Variants in ASPM observed in about 807,000 individuals in gnomAD.
ASPM encodes abnormal spindle-like microcephaly-associated protein.
In ASPM, 256 loss-of-function variants were observed where a neutral mutation model predicts 366.4. That is an observed-to-expected ratio of 0.70 (90% CI 0.63 to 0.77). ASPM has a LOEUF of 0.77. Among genes scored for constraint, ASPM ranks in the 30% least tolerant of loss-of-function variants. The pLI, the probability that ASPM is intolerant of heterozygous loss-of-function variation, is 0.00. For missense variants in ASPM, 4,146 were observed against 4,090.4 expected (o/e 1.01, Z -0.37); for synonymous variants, 1,414 against 1,342.9 (o/e 1.05, Z -1.16).
chr1:197,116,721 A>C (rs1174605688), intron 17 of ASPM, among the ~76,000 whole-genome samples: 1 of 152,214 alleles, frequency 6.6e-6, no homozygotes, highest in Non-Finnish European at 1.5e-5. Flanking sequence ...GATTAAGTAT[A>C]GTGCAGAATA....
chr1:197,132,394 C>T (rs372411345), intron 6 of ASPM, 42 bp from the exon 7 acceptor site: 79 of 1,532,000 alleles, frequency 5.2e-5, no homozygotes, highest in Non-Finnish European at 6.7e-5. Context: ...AATTGATAAT[C>T]AAATAGAGAC....
At chr1:197,092,095 T>G (rs1315879755) in intron 21 of ASPM, 39 bp from the exon 22 acceptor site, 1 of 1,605,864 alleles carries the variant, frequency 6.2e-7, no homozygotes. Context: ...AGTATCTGCC[T>G]CCTAAGTTAA....
At chr1:197,130,287 T>C (rs562390212) in intron 7 of ASPM, among the ~76,000 whole-genome samples, 1 of 152,290 alleles carries the variant, frequency 6.6e-6, no homozygotes, top group Non-Finnish European at 1.5e-5. Flanking sequence ...CTAAGATAAG[T>C]CTTAATCATC....
At chr1:197,095,022 CAAT>C (rs1197954991) in intron 19 of ASPM, among the ~76,000 whole-genome samples, 12 of 151,798 alleles carry the variant, frequency 7.9e-5, no homozygotes, top group South Asian at 2.1e-4. Context: ...TTCAAGCACA[CAAT>C]GAGTAATGAT....
chr1:197,130,957 G>T (rs1248697251), intron 7 of ASPM, among the ~76,000 whole-genome samples: 1 of 152,138 alleles, frequency 6.6e-6, no homozygotes, highest in Non-Finnish European at 1.5e-5. Context: ...CAAAGTTCTT[G>T]ATTTTATTTT....
intron 17 of ASPM, 48 bp from the exon 18 acceptor site, chr1:197,105,233 A>AT (rs751713940): frequency 2.2e-4 from 305 of 1,404,688 alleles, no homozygotes; most frequent in Non-Finnish European, 2.9e-4. Flanking sequence ...ATAGCTTTCT[A>AT]TATTTAACAC....
At chr1:197,105,976 ACACT>A (rs1002013738) in intron 17 of ASPM, among the ~76,000 whole-genome samples, 14 of 151,948 alleles carry the variant, frequency 9.2e-5, no homozygotes, top group African/African-American at 3.4e-4. Context: ...CTTTGTACAA[ACACT>A]CCAAACATTG....
rs1658487634 is a variant in ASPM, at chr1:197,138,599, G to C, written c.2026+1168C>G. On this transcript the variant is annotated intron_variant, in intron 4 of 27. Coordinates refer to ENST00000367409, the MANE Select transcript of ASPM (RefSeq NM_018136.5). ...AGGCATGAGCCACCACGCCCCACTA[G>C]GAGTTCACACTTTAGTTAGGGAAAA... The C allele has an allele frequency of 2.1e-5, 9 of 419,182 alleles. 1 individual carries two copies. The highest frequency in any genetic ancestry group is 1.9e-4 in the South Asian group (9 of 46,628). The allele number at this position is 419,182 out of a possible 1,614,324, so 26.0% of individuals were successfully genotyped here. A position where few individuals can be genotyped will look rare whatever the true frequency, so the allele number is the denominator to read the frequency against.
In ASPM at chr1:197,143,348, A is replaced by G. The variant is rs1658662751; in HGVS notation, c.904T>C (p.Cys302Arg). Reference sequence around the variant, plus strand: ...TGTGTAATGTTCAAAGTTGAAGAACAGTTGGGGGTAAGACTAAGTTTACTA... The same window carrying G: ...TGTGTAATGTTCAAAGTTGAAGAACGGTTGGGGGTAAGACTAAGTTTACTA... ...ENSKLSLTPNCSSTLNITQSQ... is the reference protein window; with the variant it reads ...ENSKLSLTPNRSSTLNITQSQ... Residue 302 changes from cysteine (C) to arginine (R), a missense_variant, in exon 3 of 28, where the codon TGT (cysteine) becomes CGT (arginine). This residue lies in a region of ASPM where 512 missense variants were observed against 471.7 expected (regional missense o/e 1.09). Transcript: ENST00000367409. 6.2e-7 allele frequency: 1 copy of G among 1,614,016 alleles called. No individual in the cohort carries two copies. The highest frequency in any genetic ancestry group is 8.5e-7 in the Non-Finnish European group (1 of 1,179,862).
intron 4 of ASPM, among the ~76,000 whole-genome samples, chr1:197,137,332 T>C (rs1658450074): frequency 6.6e-6 from 1 of 152,260 alleles, no homozygotes; most frequent in African/African-American, 2.4e-5. Context: ...GTTCTAGGCC[T>C]AGGAATGGAC....
Position 197,101,152 on chromosome 1 carries a change from C to T in ASPM, c.8099G>A (p.Arg2700Gln), listed in dbSNP as rs757182094. 22 of 1,612,188 alleles carry T rather than the reference C, an allele frequency of 1.4e-5. No homozygotes were observed. Among genetic ancestry groups the T allele is most frequent in the East Asian group, 2.2e-5 (1 of 44,774 alleles). Residue 2700 changes from arginine to glutamine, a missense_variant, in exon 18 of 28, where the codon CGA becomes CAA. By Grantham distance (43) the Arg-to-Gln change is conservative. Around this residue, in one of 3 missense-constraint regions of ASPM, gnomAD observed 3,624 missense variants for 3,591.7 expected, o/e 1.01. Coordinates refer to ENST00000367409, the MANE Select transcript of ASPM (RefSeq NM_018136.5). ...ATAATCAACTTTGGCCCTGTGCATT[C>T]GATAGAATGACTGAATTAGTGTGGC... ...RAATLIQSFYRMHRAKVDYET... is the reference protein window; with the variant it reads ...RAATLIQSFYQMHRAKVDYET...
At chr1:197,098,596 A>G (rs530408831) in intron 18 of ASPM, among the ~76,000 whole-genome samples, 152 of 151,758 alleles carry the variant, frequency 1.0e-3, no homozygotes, top group African/African-American at 3.4e-3. Context: ...GGAATTTGAT[A>G]CCATAATCTC....
intron 7 of ASPM, 117 bp from the exon 8 acceptor site, chr1:197,130,173 A>AC: frequency 2.8e-6 from 3 of 1,080,248 alleles, no homozygotes; most frequent in Non-Finnish European, 4.1e-6. Context: ...TTTCTAAATG[A>AC]CATGGTTATT....
In ASPM at chr1:197,143,051, T is replaced by C. The variant is rs587783217; in HGVS notation, c.1201A>G (p.Met401Val). The C allele has an allele frequency of 1.9e-6, 3 of 1,613,150 alleles. No individual in the cohort carries two copies. The highest frequency in any genetic ancestry group is 3.3e-4 in the Middle Eastern group (2 of 6,050). ...LSPNQFLKDN[M>V]AYMCTSQQTC... ...TGCTGAGATGTACACATATATGCCA[T>C]GTTATCTTTTAAAAATTGATTAGGG... Residue 401 changes from methionine to valine, a missense_variant, in exon 3 of 28, where the codon ATG becomes GTG. Met to Val is a conservative substitution (Grantham distance 21). Around this residue, in one of 3 missense-constraint regions of ASPM, gnomAD observed 10 missense variants for 27.0 expected, o/e 0.37. Transcript: ENST00000367409.
intron 13 of ASPM, among the ~76,000 whole-genome samples, 194 bp from the exon 14 acceptor site, chr1:197,122,789 T>C (rs910373958): frequency 1.3e-5 from 2 of 152,160 alleles, no homozygotes; most frequent in Admixed American, 1.3e-4. Context: ...GAACTTTATG[T>C]GAGAGCATGG....
At chr1:197,099,436 T>G (rs1156638341) in intron 18 of ASPM, among the ~76,000 whole-genome samples, 2 of 151,628 alleles carry the variant, frequency 1.3e-5, no homozygotes, top group South Asian at 2.1e-4. Flanking sequence ...AATTGGAATA[T>G]TCTTCTATAC....
intron 19 of ASPM, among the ~76,000 whole-genome samples, 197 bp downstream of exon 19, chr1:197,095,801 C>T (rs1656954213): frequency 6.6e-6 from 1 of 151,592 alleles, no homozygotes; most frequent in Non-Finnish European, 1.5e-5. Context: ...AAAGGCTATG[C>T]TCTATCTCAA....
intron 4 of ASPM, among the ~76,000 whole-genome samples, chr1:197,137,909 A>G (rs1286545576): frequency 6.6e-6 from 1 of 152,226 alleles, no homozygotes; most frequent in Admixed American, 6.5e-5. Context: ...CTTTATTCTA[A>G]TATCAGTTTT....
Position 197,135,175 on chromosome 1 carries a change from CT to C in ASPM, c.2093del (p.Lys698SerfsTer10), listed in dbSNP as rs765613900. The C allele has an allele frequency of 1.2e-6, 2 of 1,613,778 alleles. No individual in the cohort carries two copies. The highest frequency in any genetic ancestry group is 1.7e-6 in the Non-Finnish European group (2 of 1,179,732). On this transcript the variant is annotated frameshift_variant, in exon 5 of 28. Transcript: ENST00000367409. LOFTEE classifies it high-confidence loss of function. Reference sequence around the variant, plus strand: ...ACCACCAAGTGAAGCCCTGTTCCTGCTTTTCCTTCCAGCGTTCATCATAAAA... The same window carrying C: ...ACCACCAAGTGAAGCCCTGTTCCTGCTTTCCTTCCAGCGTTCATCATAAAA... The part of the protein sequence containing the change: ...NMFYDERWKE[K>X]QEQGFTWWLN...
Sources: allele counts gnomAD v4.1 joint callset (sites outside exome capture counted in the v4.1 genomes callset), GRCh38; gene constraint gnomAD v4.1.1; regional missense constraint gnomAD v4.1.1; transcripts MANE v1.5; gene names NCBI Gene and HGNC (gene_info 2026-07-23, HGNC 2026-07-21).